VKORC1L1: variants seen among roughly 807,000 people sequenced by gnomAD.
The protein encoded by VKORC1L1 is vitamin K epoxide reductase complex subunit 1L1.
In VKORC1L1, 2 loss-of-function variants were observed where a neutral mutation model predicts 18.9. The ratio of observed to expected loss-of-function variants is 0.11; its 90% confidence interval spans 0.04 to 0.33. The LOEUF (loss-of-function observed/expected upper bound fraction) is 0.33, where lower values mean the gene tolerates loss of function less well. VKORC1L1 is among the 10% of genes least tolerant of loss of function. The pLI, the probability that VKORC1L1 is intolerant of heterozygous loss-of-function variation, is 1.00. For missense variants in VKORC1L1, 123 were observed against 224.1 expected (o/e 0.55, Z 2.88); for synonymous variants, 96 against 100.0 (o/e 0.96, Z 0.24).
Position 65,901,640 on chromosome 7 carries a change from G to A in VKORC1L1, c.194+28075G>A, listed in dbSNP as rs1293464842. On this transcript the variant is annotated intron_variant, in intron 1 of 2. Coordinates refer to ENST00000360768, the MANE Select transcript of VKORC1L1 (RefSeq NM_173517.6). ...ATGGGGAAGTCAAACAGAGCATGGTGTCTTAGAATTGGGAGGACAAGATGG... is the reference window on the plus strand; with the variant it reads ...ATGGGGAAGTCAAACAGAGCATGGTATCTTAGAATTGGGAGGACAAGATGG... Among the ~76,000 whole-genome samples the A allele has an allele frequency of 3.3e-5, 5 of 152,274 alleles. No homozygotes were observed. The East Asian group carries it at 9.6e-4, about 29-fold the overall frequency.
chr7:65,920,934 G>GAAGA (rs755411586), intron 1 of VKORC1L1, among the ~76,000 whole-genome samples: 1 of 151,888 alleles, frequency 6.6e-6, no homozygotes, highest in Admixed American at 6.6e-5. Flanking sequence ...AGGAAAGAAA[G>GAAGA]AAGAAAGAAA....
intron 1 of VKORC1L1, among the ~76,000 whole-genome samples, chr7:65,922,469 A>G (rs183489425): frequency 1.3e-5 from 2 of 152,164 alleles, no homozygotes; most frequent in East Asian, 1.9e-4. Flanking sequence ...TTTTTACTAG[A>G]GACGGGGCTT....
At chr7:65,948,255 C>T (rs1326784957) in intron 1 of VKORC1L1, among the ~76,000 whole-genome samples, 1 of 151,798 alleles carries the variant, frequency 6.6e-6, no homozygotes, top group Admixed American at 6.6e-5. Context: ...ATGCACAGAA[C>T]ACCCCACAGC....
At chr7:65,935,237 C>T (rs187748323) in intron 1 of VKORC1L1, among the ~76,000 whole-genome samples, 154 of 151,988 alleles carry the variant, frequency 1.0e-3, no homozygotes, top group Non-Finnish European at 2.0e-3. Flanking sequence ...GTTCTTGATC[C>T]CTCAAAGAGA....
At chr7:65,875,364 G>A (rs932714269) in intron 1 of VKORC1L1, among the ~76,000 whole-genome samples, 6 of 152,022 alleles carry the variant, frequency 3.9e-5, no homozygotes, top group Non-Finnish European at 8.8e-5. Flanking sequence ...TTTTCTTTTG[G>A]AAGTGTGTAG....
At chr7:65,943,547 T>C (rs1172136585) in intron 1 of VKORC1L1, among the ~76,000 whole-genome samples, 1 of 152,208 alleles carries the variant, frequency 6.6e-6, no homozygotes, top group African/African-American at 2.4e-5. Context: ...CCCACCTTTT[T>C]AGACTTTCCA....
At chr7:65,898,989 G>A (rs1035992112) in intron 1 of VKORC1L1, among the ~76,000 whole-genome samples, 3 of 152,144 alleles carry the variant, frequency 2.0e-5, no homozygotes, top group Non-Finnish European at 4.4e-5. Flanking sequence ...TGTGACTTTT[G>A]AATACTTTAC....
chr7:65,927,576 A>T, intron 1 of VKORC1L1, among the ~76,000 whole-genome samples: 1 of 152,246 alleles, frequency 6.6e-6, no homozygotes, highest in South Asian at 2.1e-4. Context: ...TCTGGTGGAC[A>T]GGCACACCCA....
At chr7:65,878,000 G>C (rs943465706) in intron 1 of VKORC1L1, among the ~76,000 whole-genome samples, 16 of 151,948 alleles carry the variant, frequency 1.1e-4, no homozygotes, top group African/African-American at 3.9e-4. Context: ...GCTTAAACCC[G>C]TGTTGTTCAA....
At chr7:65,902,358 A>G (rs978035530) in intron 1 of VKORC1L1, among the ~76,000 whole-genome samples, 6 of 152,228 alleles carry the variant, frequency 3.9e-5, no homozygotes, top group African/African-American at 1.2e-4. Context: ...TGAGTTGGAA[A>G]TAAAATTTAA....
At chr7:65,898,090 T>G (rs1027910748) in intron 1 of VKORC1L1, among the ~76,000 whole-genome samples, 3 of 105,410 alleles carry the variant, frequency 2.8e-5, no homozygotes, top group African/African-American at 1.1e-4. Flanking sequence ...TTTTTTTTTT[T>G]TTTTTTTTTT....
intron 1 of VKORC1L1, among the ~76,000 whole-genome samples, chr7:65,916,033 C>T (rs771706512): frequency 2.6e-4 from 40 of 151,174 alleles, no homozygotes; most frequent in Non-Finnish European, 4.4e-4. Context: ...ATCGCTTGAA[C>T]CCAGGAGGCG....
intron 1 of VKORC1L1, among the ~76,000 whole-genome samples, chr7:65,920,511 A>G (rs1417383341): frequency 6.6e-6 from 1 of 152,204 alleles, no homozygotes; most frequent in Admixed American, 6.5e-5. Flanking sequence ...ATTCGTGTAC[A>G]TAATTTGAGA....
intron 1 of VKORC1L1, among the ~76,000 whole-genome samples, chr7:65,889,414 G>A (rs919171638): frequency 2.0e-5 from 3 of 152,194 alleles, no homozygotes; most frequent in African/African-American, 7.2e-5. Flanking sequence ...CACCACCTAA[G>A]CAGTTGTGCA....
Position 65,958,504 on chromosome 7 carries a change from C to T in VKORC1L1, c.*4204C>T, listed in dbSNP as rs1323348551. The T allele has an allele frequency of 1.3e-5, 2 of 152,190 alleles. No homozygotes were observed. Among genetic ancestry groups the T allele is most frequent in the Non-Finnish European group, 2.9e-5 (2 of 68,036 alleles). 9.4% of individuals were successfully genotyped at this position (152,190 alleles called of 1,614,324 possible). On this transcript the variant is annotated 3_prime_UTR_variant, in exon 3 of 3. Transcript: ENST00000360768. ...TATGTAAGAATGTTTATTTGTTGCA[C>T]ATAACTTTTTTGGTATAAAATAAAT...
At chr7:65,923,022 T>G (rs960074949) in intron 1 of VKORC1L1, among the ~76,000 whole-genome samples, 2 of 152,210 alleles carry the variant, frequency 1.3e-5, no homozygotes, top group Admixed American at 1.3e-4. Context: ...CTGTTTTTGC[T>G]GATGATAAAG....
chr7:65,915,033 A>G (rs553122415), intron 1 of VKORC1L1, among the ~76,000 whole-genome samples: 64 of 151,530 alleles, frequency 4.2e-4, no homozygotes, highest in South Asian at 1.0e-3. Flanking sequence ...GCAAATACTT[A>G]ACTCTCCCTC....
intron 1 of VKORC1L1, among the ~76,000 whole-genome samples, chr7:65,896,697 A>AT (rs1449987941): frequency 1.3e-5 from 2 of 151,992 alleles, no homozygotes; most frequent in African/African-American, 4.8e-5. Flanking sequence ...AAGTTGATGA[A>AT]TTTGCGTAAA....
intron 1 of VKORC1L1, among the ~76,000 whole-genome samples, chr7:65,897,128 T>G (rs1349350839): frequency 6.6e-6 from 1 of 152,238 alleles, no homozygotes; most frequent in East Asian, 1.9e-4. Flanking sequence ...GCTAATTTCC[T>G]TTAAAAAGCA....
Sources: allele counts gnomAD v4.1 joint callset (sites outside exome capture counted in the v4.1 genomes callset), GRCh38; gene constraint gnomAD v4.1.1; transcripts MANE v1.5; gene names NCBI Gene and HGNC (gene_info 2026-07-23, HGNC 2026-07-21).